Variants in USH2A observed in about 807,000 individuals in gnomAD.
USH2A encodes the protein usherin, also known as Usher syndrome 2A (autosomal recessive, mild).
A neutral mutation model predicts 538.9 loss-of-function variants in USH2A; 443 were observed. The ratio of observed to expected loss-of-function variants is 0.82; its 90% CI spans 0.76 to 0.89. USH2A has a LOEUF of 0.89. Among genes scored for constraint, USH2A ranks in the 40% least tolerant of loss-of-function variants. The pLI is 0.00. For missense variants in USH2A, 6,633 were observed against 6,324.8 expected, an observed-to-expected ratio of 1.05 and a Z score of -1.65; for synonymous variants, 2,413 against 2,273.5, an observed-to-expected ratio of 1.06 and a Z score of -1.75.
intron 40 of USH2A, among the ~76,000 whole-genome samples, chr1:215,894,690 C>G (rs1260516491): frequency 6.6e-6 from 1 of 152,128 alleles, no homozygotes; most frequent in Non-Finnish European, 1.5e-5. Context: ...CAGCCAGAAG[C>G]CTGCCTCTGA....
intron 21 of USH2A, among the ~76,000 whole-genome samples, chr1:216,164,622 T>C (rs1240484930): frequency 6.6e-6 from 1 of 152,124 alleles, no homozygotes; most frequent in Non-Finnish European, 1.5e-5. Flanking sequence ...GCAGAACATG[T>C]ATGCTTCTAG....
At chr1:216,005,040 C>A (rs1421189794) in intron 32 of USH2A, among the ~76,000 whole-genome samples, 1 of 152,066 alleles carries the variant, frequency 6.6e-6, no homozygotes, top group Non-Finnish European at 1.5e-5. Context: ...CCTGTAGTAC[C>A]CTTCTTCTGC....
intron 21 of USH2A, among the ~76,000 whole-genome samples, chr1:216,164,905 T>C (rs1253293268): frequency 1.3e-5 from 2 of 152,146 alleles, no homozygotes; most frequent in East Asian, 3.9e-4. Context: ...AACCTTACAA[T>C]AAGCCATTTA....
chr1:215,970,474 T>G, intron 36 of USH2A, 151 bp downstream of exon 36: 1 of 920,140 alleles, frequency 1.1e-6, no homozygotes, highest in East Asian at 2.6e-5. Context: ...TCTTAGTAAC[T>G]CTTAAATGAA....
intron 3 of USH2A, among the ~76,000 whole-genome samples, chr1:216,391,424 G>A (rs2039104675): frequency 6.6e-6 from 1 of 152,080 alleles, no homozygotes; most frequent in Non-Finnish European, 1.5e-5. Context: ...TTTACCATCT[G>A]CCAGCTTACT....
chr1:215,794,073 A>G (rs766990836), intron 50 of USH2A, among the ~76,000 whole-genome samples: 4 of 152,226 alleles, frequency 2.6e-5, no homozygotes, highest in Non-Finnish European at 5.9e-5. Context: ...CACTGAAATG[A>G]CACGCATGAC....
chr1:216,281,275 T>C (rs987322087), intron 11 of USH2A, among the ~76,000 whole-genome samples: 7 of 152,204 alleles, frequency 4.6e-5, no homozygotes, highest in African/African-American at 1.7e-4. Context: ...TAATTCTCTC[T>C]GGCTATATAT....
At chr1:215,887,668 G>C (rs1281039126) in intron 41 of USH2A, among the ~76,000 whole-genome samples, 1 of 152,164 alleles carries the variant, frequency 6.6e-6, no homozygotes, top group African/African-American at 2.4e-5. Context: ...GCTTTTGGTG[G>C]GGGAGAGAGA....
chr1:216,290,873 C>T (rs191889487), intron 10 of USH2A, among the ~76,000 whole-genome samples: 1 of 151,976 alleles, frequency 6.6e-6, no homozygotes, highest in Non-Finnish European at 1.5e-5. Context: ...AGTCTTGGCT[C>T]TCCTTCCTTC....
rs150729680 is a variant in USH2A at position 216,217,518 on chromosome 1, G to A, written c.3026C>T (p.Ala1009Val). 6.1e-5 allele frequency: 99 copies of A among 1,613,134 alleles called. No individual in the cohort carries two copies. In the African/African-American group the frequency reaches 1.1e-3, roughly 19 times the overall value. ...CQPCNCHLSG[A>V]LNETCHLVTG... The stretch of plus-strand genomic sequence containing the variant: ...GACCAAGTGACAGGTTTCATTCAAG[G>A]CTCCTGAGAGATGACAATTACAAGG... Residue 1009 changes from alanine (A) to valine (V), a missense_variant, in exon 15 of 72, where the codon GCC (alanine) becomes GTC (valine). Coordinates refer to ENST00000307340, the MANE Select transcript of USH2A (RefSeq NM_206933.4).
intron 29 of USH2A, chr1:216,072,652 C>T (rs908198075): frequency 5.5e-6 from 3 of 548,758 alleles, no homozygotes; most frequent in African/African-American, 3.8e-5. Context: ...CTTACTTCTG[C>T]ATCCTAAGAG....
chr1:216,042,112 T>A (rs571503777), intron 32 of USH2A, among the ~76,000 whole-genome samples: 2 of 152,194 alleles, frequency 1.3e-5, no homozygotes, highest in South Asian at 4.2e-4. Flanking sequence ...AGATGGAATA[T>A]AATGTTATTC....
intron 32 of USH2A, among the ~76,000 whole-genome samples, chr1:216,007,216 A>G (rs1436178574): frequency 6.6e-6 from 1 of 152,168 alleles, no homozygotes; most frequent in African/African-American, 2.4e-5. Flanking sequence ...TTTTCTTTAC[A>G]AATTACACAG....
intron 9 of USH2A, among the ~76,000 whole-genome samples, chr1:216,303,446 T>C (rs1301016250): frequency 1.3e-5 from 2 of 151,834 alleles, no homozygotes; most frequent in African/African-American, 4.8e-5. Flanking sequence ...GTATAAGGCG[T>C]TATTGATGTT....
chr1:215,678,864 A>C (rs1658129782), intron 62 of USH2A, among the ~76,000 whole-genome samples: 1 of 152,242 alleles, frequency 6.6e-6, no homozygotes, highest in Non-Finnish European at 1.5e-5. Flanking sequence ...ATGTAAATAA[A>C]GGTCCAAGGA....
chr1:215,906,186 CACAA>C (rs1299601452), intron 38 of USH2A, among the ~76,000 whole-genome samples: 1 of 152,044 alleles, frequency 6.6e-6, no homozygotes, highest in Admixed American at 6.6e-5. Flanking sequence ...CACAAGGATG[CACAA>C]ACAGAGCAGC....
At chr1:216,021,249 C>T (rs952226472) in intron 32 of USH2A, among the ~76,000 whole-genome samples, 3 of 152,108 alleles carry the variant, frequency 2.0e-5, no homozygotes, top group African/African-American at 7.2e-5. Flanking sequence ...TTGTAGCTCC[C>T]ATAATTCCCA....
intron 61 of USH2A, among the ~76,000 whole-genome samples, chr1:215,696,963 T>A (rs1658831001): frequency 6.6e-6 from 1 of 152,064 alleles, no homozygotes; most frequent in South Asian, 2.1e-4. Flanking sequence ...TTTGTTTGTT[T>A]GTTTTTTGAG....
intron 32 of USH2A, among the ~76,000 whole-genome samples, chr1:216,046,006 GGTGTGTGTGTGTGTGT>G (rs59426829): frequency 1.5e-4 from 20 of 137,756 alleles, no homozygotes; most frequent in South Asian, 5.3e-4. Context: ...CTATTTATCT[GGTGTGTGTGTGTGTGT>G]GTGTGTGTGT....
Sources: gnomAD v4.1 joint callset for allele counts (sites outside exome capture counted in the v4.1 genomes callset) on GRCh38, gnomAD v4.1.1 for gene constraint, MANE v1.5 for transcripts, NCBI Gene and HGNC (gene_info 2026-07-23, HGNC 2026-07-21) for gene names.